The following ZNF33A variants were observed in gnomAD, a reference collection of about 807,000 sequenced individuals.
ZNF33A encodes the protein zinc finger protein 33A, also known as brain my041 protein.
ZNF33A carries 9 observed loss-of-function variants against 15.9 expected under a neutral mutation model. The ratio of observed to expected loss-of-function variants is 0.57; its 90% CI spans 0.34 to 0.99. ZNF33A has a LOEUF of 0.99. Among genes scored for constraint, ZNF33A ranks in the 50% least tolerant of loss-of-function variants. The probability of loss-of-function intolerance (pLI) is 0.02; values close to 1 mark genes in which losing one functional copy is unlikely to be tolerated. For missense variants in ZNF33A, 843 were observed against 941.6 expected (o/e 0.90, Z 1.37); for synonymous variants, 294 against 324.2 (o/e 0.91, Z 1.00).
rs1190119167 is a variant in ZNF33A at position 38,010,793 on chromosome 10, A to C, written c.-45+10A>C. ...CCGACGAGGGAGTGGGGTAAGCCCCAGTGGGTTGGGCAGGGAGAGAGAGGG... is the reference window on the plus strand; with the variant it reads ...CCGACGAGGGAGTGGGGTAAGCCCCCGTGGGTTGGGCAGGGAGAGAGAGGG... On this transcript the variant is annotated intron_variant, in intron 1 of 4. Coordinates refer to ENST00000432900, the MANE Select transcript of ZNF33A (RefSeq NM_006954.2). The C allele has an allele frequency of 6.3e-7, 1 of 1,596,660 alleles. No individual in the cohort carries two copies. The highest frequency in any genetic ancestry group is 2.2e-5 in the East Asian group (1 of 44,724).
chr10:38,016,106 G>T, intron 2 of ZNF33A: 1 of 927,296 alleles, frequency 1.1e-6, no homozygotes, highest in Non-Finnish European at 1.4e-6. Flanking sequence ...TATTGTCTCT[G>T]AATTAAAGGA....
At chr10:38,039,683 T>C in intron 4 of ZNF33A, 1 of 409,064 alleles carries the variant, frequency 2.4e-6, no homozygotes, top group South Asian at 1.8e-5. Flanking sequence ...ACATTGTTCA[T>C]ACCATTCTTT....
At chr10:38,061,934 G>A (rs544724691), downstream of ZNF33A, among the ~76,000 whole-genome samples, 4 of 152,294 alleles carry the variant, frequency 2.6e-5, 1 homozygote, top group Admixed American at 2.6e-4. Flanking sequence ...TCCAGCTTGG[G>A]CAAGAGAGCA....
chr10:38,054,225 A>G, intron 4 of ZNF33A, 150 bp from the exon 5 acceptor site: 1 of 812,838 alleles, frequency 1.2e-6, no homozygotes, highest in Non-Finnish European at 1.8e-6. Context: ...AACCCATGAA[A>G]TACAAAAAAT....
chr10:38,024,163 C>CAAAAAAAAAAAAAAAAA (rs71007682), intron 4 of ZNF33A, among the ~76,000 whole-genome samples: 23 of 93,090 alleles, frequency 2.5e-4, no homozygotes, highest in African/African-American at 5.7e-4. Flanking sequence ...AAAAACAAAA[C>CAAAAAAAAAAAAAAAAA]AAAAAAAAAA....
At position 38,056,610 on chromosome 10, in the gene ZNF33A, A is replaced by G; in HGVS notation, c.*50A>G. 6.6e-7 allele frequency: 1 copy of G among 1,512,766 alleles called. No homozygotes were observed. The highest frequency in any genetic ancestry group is 8.8e-7 in the Non-Finnish European group (1 of 1,137,230). The allele number at this position is 1,512,766 out of a possible 1,614,324, so 93.7% of individuals were successfully genotyped here. On this transcript the variant is annotated 3_prime_UTR_variant, in exon 5 of 5. Transcript: ENST00000432900. Reference sequence around the variant, plus strand: ...ACTCCAAAGTAATAGTAGGGGATAAACCCATAGACTACAACAATTATAGGA... The same window carrying G: ...ACTCCAAAGTAATAGTAGGGGATAAGCCCATAGACTACAACAATTATAGGA...
intron 4 of ZNF33A, among the ~76,000 whole-genome samples, chr10:38,051,565 G>A (rs575524020): frequency 1.3e-5 from 2 of 151,916 alleles, no homozygotes; most frequent in African/African-American, 4.8e-5. Flanking sequence ...CAAAAAGAGG[G>A]CCAGAAAATC....
intron 4 of ZNF33A, among the ~76,000 whole-genome samples, chr10:38,032,987 A>G (rs2065278695): frequency 1.3e-5 from 2 of 152,116 alleles, no homozygotes; most frequent in Admixed American, 6.5e-5. Context: ...ACCTCAAGTG[A>G]TGTGCCTGCA....
At chr10:38,036,419 T>C (rs2065456634) in intron 4 of ZNF33A, among the ~76,000 whole-genome samples, 1 of 151,640 alleles carries the variant, frequency 6.6e-6, no homozygotes, top group Non-Finnish European at 1.5e-5. Flanking sequence ...GCCTGGGTGA[T>C]AGAGCAAGAT....
chr10:38,046,990 G>A (rs909712868), intron 4 of ZNF33A, among the ~76,000 whole-genome samples: 146 of 151,872 alleles, frequency 9.6e-4, no homozygotes, highest in African/African-American at 3.5e-3. Context: ...TGGGCAACAT[G>A]GTGAAACCTT....
chr10:38,043,693 T>C (rs1189558953), intron 4 of ZNF33A, among the ~76,000 whole-genome samples: 3 of 152,042 alleles, frequency 2.0e-5, no homozygotes, highest in Admixed American at 2.0e-4. Flanking sequence ...AAAAATTTTT[T>C]TTTCAGTCAC....
In ZNF33A at chr10:38,056,745, A is replaced by T. The variant is rs1359927661; in HGVS notation, c.*185A>T. The T allele has an allele frequency of 8.0e-7, 1 of 1,247,948 alleles. No homozygotes were observed. The highest frequency in any genetic ancestry group is 1.0e-6 in the Non-Finnish European group (1 of 996,594). 77.3% of individuals were successfully genotyped at this position (1,247,948 alleles called of 1,614,324 possible). On this transcript the variant is annotated 3_prime_UTR_variant, in exon 5 of 5. Transcript: ENST00000432900. ...GAAAGTTTTTGGCAAAAATGCAAAT[A>T]AGGTTATGTTAGAATTTACACTGAG...
At chr10:38,060,994 C>A (rs752104915), downstream of ZNF33A, among the ~76,000 whole-genome samples, 8 of 152,178 alleles carry the variant, frequency 5.3e-5, no homozygotes, top group Non-Finnish European at 1.0e-4. Context: ...CCCACCTGTA[C>A]AGGTAGTGAC....
intron 4 of ZNF33A, among the ~76,000 whole-genome samples, chr10:38,020,830 C>A (rs1741706112): frequency 6.6e-6 from 1 of 152,188 alleles, no homozygotes; most frequent in Non-Finnish European, 1.5e-5. Context: ...GTACTGATTT[C>A]TTTTCTTTTG....
chr10:38,032,657 G>A (rs2065263458), intron 4 of ZNF33A, among the ~76,000 whole-genome samples: 1 of 151,938 alleles, frequency 6.6e-6, no homozygotes, highest in East Asian at 1.9e-4. Flanking sequence ...TCACCATGTT[G>A]GCCAGGCTGG....
chr10:38,054,930 C>T lies in ZNF33A; in HGVS notation c.806C>T (p.Pro269Leu), dbSNP rs78340846. The T allele has an allele frequency of 8.4e-3, 13,505 of 1,613,866 alleles. 226 individuals carry two copies. The highest frequency in any genetic ancestry group is 0.052 in the East Asian group (2,338 of 44,844). ...SSSLLFHQISPSRDNHYEFSD... is the reference protein window; with the variant it reads ...SSSLLFHQISLSRDNHYEFSD... The stretch of plus-strand genomic sequence containing the variant: ...TCCCTCTTGTTCCATCAGATATCTC[C>T]GTCAAGGGACAATCACTATGAATTT... Residue 269 changes from proline to leucine, a missense_variant, in exon 5 of 5, where the codon CCG (proline) becomes CTG (leucine). Pro to Leu is a moderately conservative substitution (Grantham distance 98). Coordinates refer to ENST00000432900, the MANE Select transcript of ZNF33A (RefSeq NM_006954.2).
chr10:38,036,076 C>A (rs923074208), intron 4 of ZNF33A, among the ~76,000 whole-genome samples: 1 of 152,012 alleles, frequency 6.6e-6, no homozygotes, highest in African/African-American at 2.4e-5. Flanking sequence ...TGCAAAAATC[C>A]AAATAGAATG....
chr10:38,010,562 C>A, upstream of ZNF33A: 1 of 818,504 alleles, frequency 1.2e-6, no homozygotes, highest in Non-Finnish European at 2.1e-6. Context: ...CTCTACCAAT[C>A]CGAAGGGCTG....
intron 4 of ZNF33A, among the ~76,000 whole-genome samples, chr10:38,032,232 TAAAA>T (rs1042384184): frequency 6.6e-6 from 1 of 152,122 alleles, no homozygotes; most frequent in Non-Finnish European, 1.5e-5. Flanking sequence ...TTCAAATTAC[TAAAA>T]AAAGTTAGTT....
Sources: allele counts gnomAD v4.1 joint callset (sites outside exome capture counted in the v4.1 genomes callset), GRCh38; gene constraint gnomAD v4.1.1; transcripts MANE v1.5; gene names NCBI Gene and HGNC (gene_info 2026-07-23, HGNC 2026-07-21).